TAFA1: variants seen among roughly 807,000 people sequenced by gnomAD.
The protein encoded by TAFA1 is TAFA chemokine like family member 1, also known as chemokine-like protein TAFA-1.
Under a neutral mutation model 18.5 loss-of-function variants are expected in TAFA1, and 4 were observed. The observed-to-expected ratio is 0.22, with a 90% CI of 0.11 to 0.49. TAFA1 has a LOEUF of 0.49. Ranked by LOEUF, TAFA1 falls within the 20% of genes least tolerant of loss-of-function variation. The pLI is 0.98. For synonymous variants in TAFA1, 56 were observed against 55.2 expected (o/e 1.01, Z -0.06); for missense variants, 147 against 169.0 (o/e 0.87, Z 0.72).
intron 2 of TAFA1, among the ~76,000 whole-genome samples, chr3:68,131,433 C>T (rs1028404950): frequency 5.3e-5 from 8 of 152,138 alleles, no homozygotes; most frequent in Non-Finnish European, 1.2e-4. Flanking sequence ...AGAAGAGCAC[C>T]GTTTAATTAC....
At chr3:68,197,761 A>G (rs903964591) in intron 2 of TAFA1, among the ~76,000 whole-genome samples, 2 of 151,742 alleles carry the variant, frequency 1.3e-5, no homozygotes, top group Non-Finnish European at 2.9e-5. Flanking sequence ...CTGATGATAC[A>G]CTTAGTTGCA....
chr3:68,301,091 G>A (rs997369990), intron 2 of TAFA1, among the ~76,000 whole-genome samples: 1 of 151,954 alleles, frequency 6.6e-6, no homozygotes, highest in Non-Finnish European at 1.5e-5. Context: ...ACATTCACAT[G>A]GTTTTAAAAA....
chr3:68,169,632 G>A (rs1309455562), intron 2 of TAFA1, among the ~76,000 whole-genome samples: 8 of 152,178 alleles, frequency 5.3e-5, no homozygotes, highest in African/African-American at 1.9e-4. Context: ...ATGGCTAAAG[G>A]CAAGATTATA....
intron 2 of TAFA1, among the ~76,000 whole-genome samples, chr3:68,156,361 G>A (rs1217724643): frequency 6.6e-6 from 1 of 152,152 alleles, no homozygotes; most frequent in Admixed American, 6.6e-5. Flanking sequence ...AACGCTGCCT[G>A]GTAGTCATAA....
chr3:68,438,387 TCTC>T (rs760243788), intron 3 of TAFA1, among the ~76,000 whole-genome samples: 8 of 151,948 alleles, frequency 5.3e-5, no homozygotes, highest in Non-Finnish European at 1.0e-4. Flanking sequence ...AACAGAATAG[TCTC>T]CTCTGGCTCC....
At chr3:68,489,897 A>C (rs1161845015) in intron 3 of TAFA1, among the ~76,000 whole-genome samples, 1 of 152,234 alleles carries the variant, frequency 6.6e-6, no homozygotes, top group Non-Finnish European at 1.5e-5. Context: ...GTGATTGTGA[A>C]TCAAATGGCC....
intron 2 of TAFA1, among the ~76,000 whole-genome samples, chr3:68,137,982 TAAA>T (rs71112616): frequency 6.8e-6 from 1 of 147,866 alleles, no homozygotes; most frequent in Non-Finnish European, 1.5e-5. Flanking sequence ...CGCTACTATT[TAAA>T]AAAAAAAAAA....
intron 3 of TAFA1, among the ~76,000 whole-genome samples, chr3:68,443,414 G>T (rs527415246): frequency 8.3e-5 from 12 of 144,726 alleles, no homozygotes; most frequent in African/African-American, 2.8e-4. Context: ...TCTCCATCAG[G>T]TCTGTATTAG....
chr3:68,079,218 T>A (rs1163738584), intron 2 of TAFA1, among the ~76,000 whole-genome samples: 1 of 152,236 alleles, frequency 6.6e-6, no homozygotes, highest in Non-Finnish European at 1.5e-5. Context: ...TCATTAATAG[T>A]CTTGCTAGTA....
intron 2 of TAFA1, among the ~76,000 whole-genome samples, chr3:68,293,495 T>C (rs72626935): frequency 0.026 from 4,019 of 152,278 alleles, 90 homozygotes; most frequent in East Asian, 0.096. Context: ...CAGGATCAAA[T>C]AAACAAGGAC....
chr3:68,121,392 G>C (rs1442250820), intron 2 of TAFA1, among the ~76,000 whole-genome samples: 2 of 152,002 alleles, frequency 1.3e-5, no homozygotes, highest in African/African-American at 4.8e-5. Context: ...CGATTTCCCT[G>C]TGTTTTTGAA....
At chr3:68,329,131 C>T (rs915566645) in intron 2 of TAFA1, among the ~76,000 whole-genome samples, 3 of 151,012 alleles carry the variant, frequency 2.0e-5, no homozygotes, top group African/African-American at 4.9e-5. Flanking sequence ...GTCACCCAAC[C>T]TCCGCCTCCC....
chr3:68,035,739 A>G (rs1231535694), intron 2 of TAFA1, among the ~76,000 whole-genome samples: 1 of 152,352 alleles, frequency 6.6e-6, no homozygotes, highest in South Asian at 2.1e-4. Flanking sequence ...GAATATTGAT[A>G]GAAGCGCTAT....
chr3:67,991,618 C>G, the TAFA1 span, among the ~76,000 whole-genome samples: 1 of 152,218 alleles, frequency 6.6e-6, no homozygotes, highest in African/African-American at 2.4e-5. Flanking sequence ...GCTCTCCAGC[C>G]TTTGGACTTC....
intron 2 of TAFA1, among the ~76,000 whole-genome samples, chr3:68,164,659 GT>G (rs1462121823): frequency 2.6e-4 from 40 of 151,930 alleles, no homozygotes; most frequent in African/African-American, 6.0e-4. Context: ...GTGTGTGTGT[GT>G]GGGAGGTAGT....
intron 2 of TAFA1, among the ~76,000 whole-genome samples, chr3:68,161,453 G>A (rs1374606962): frequency 6.6e-6 from 1 of 152,142 alleles, no homozygotes; most frequent in East Asian, 1.9e-4. Flanking sequence ...GGACCTGCTC[G>A]ATTAGAAACT....
intron 2 of TAFA1, among the ~76,000 whole-genome samples, chr3:68,368,493 T>C (rs2069615535): frequency 6.6e-6 from 1 of 152,056 alleles, no homozygotes; most frequent in Non-Finnish European, 1.5e-5. Context: ...TAACATAGTC[T>C]AAGTAAAAAG....
At chr3:68,384,934 T>C (rs1042790642) in intron 2 of TAFA1, among the ~76,000 whole-genome samples, 2 of 152,132 alleles carry the variant, frequency 1.3e-5, no homozygotes, top group African/African-American at 4.8e-5. Context: ...CTTTGTCTTT[T>C]TTCATCTTTG....
At chr3:68,311,998 T>C (rs1044097133) in intron 2 of TAFA1, among the ~76,000 whole-genome samples, 1 of 152,208 alleles carries the variant, frequency 6.6e-6, no homozygotes, top group African/African-American at 2.4e-5. Context: ...ACCCCAGTTA[T>C]TGACTTCTGT....
Sources: gnomAD v4.1 joint callset for allele counts (sites outside exome capture counted in the v4.1 genomes callset) on GRCh38, gnomAD v4.1.1 for gene constraint, MANE v1.5 for transcripts, NCBI Gene and HGNC (gene_info 2026-07-23, HGNC 2026-07-21) for gene names.